The following SPRED1 variants were observed in gnomAD, a reference collection of about 807,000 sequenced individuals.
The protein encoded by SPRED1 is sprouty related EVH1 domain containing 1, also known as sprouty-related, EVH1 domain-containing protein 1.
In SPRED1, 18 loss-of-function variants were observed where a neutral mutation model predicts 52.3. That is an observed-to-expected ratio of 0.34 (90% CI 0.24 to 0.51). The LOEUF (loss-of-function observed/expected upper bound fraction) is 0.51, where lower values mean the gene tolerates loss of function less well. Among genes scored for constraint, SPRED1 ranks in the 20% least tolerant of loss-of-function variants. The pLI is 0.97. For missense variants in SPRED1, 485 were observed against 551.0 expected, an observed-to-expected ratio of 0.88 and a Z score of 1.20; for synonymous variants, 155 against 179.7, an observed-to-expected ratio of 0.86 and a Z score of 1.10.
intron 2 of SPRED1, among the ~76,000 whole-genome samples, chr15:38,312,880 T>G (rs573088848): frequency 2.6e-4 from 39 of 152,140 alleles, no homozygotes; most frequent in South Asian, 6.2e-4. Flanking sequence ...TTTCTTTTTT[T>G]CTTGTCCATT....
chr15:38,287,654 G>A (rs1034395373), intron 1 of SPRED1, among the ~76,000 whole-genome samples: 71 of 152,096 alleles, frequency 4.7e-4, no homozygotes, highest in Non-Finnish European at 1.5e-4. Context: ...GAAAAAAATT[G>A]CATCTTTACT....
intron 4 of SPRED1, among the ~76,000 whole-genome samples, chr15:38,334,040 C>T (rs942406392): frequency 6.6e-6 from 1 of 151,950 alleles, no homozygotes; most frequent in Non-Finnish European, 1.5e-5. Flanking sequence ...GTAGTTGAGA[C>T]TGTCTGATAC....
intron 4 of SPRED1, among the ~76,000 whole-genome samples, chr15:38,332,584 A>G (rs762353599): frequency 1.3e-5 from 2 of 152,184 alleles, no homozygotes; most frequent in Non-Finnish European, 2.9e-5. Flanking sequence ...CTAGCTAGCT[A>G]GAGTGTTTAG....
chr15:38,279,510 G>A (rs1894640953), intron 1 of SPRED1, among the ~76,000 whole-genome samples: 1 of 152,164 alleles, frequency 6.6e-6, no homozygotes, highest in Admixed American at 6.5e-5. Context: ...GTGCCAAACA[G>A]TGCTATCCTA....
intron 1 of SPRED1, among the ~76,000 whole-genome samples, chr15:38,295,517 C>T (rs1895017988): frequency 2.0e-5 from 3 of 152,000 alleles, no homozygotes; most frequent in Admixed American, 6.6e-5. Context: ...CTGTTGTTGA[C>T]GGAAACGTTA....
chr15:38,310,378 T>A (rs1388591653), intron 2 of SPRED1, among the ~76,000 whole-genome samples: 1 of 152,106 alleles, frequency 6.6e-6, no homozygotes, highest in Non-Finnish European at 1.5e-5. Context: ...TGACCTCAGG[T>A]GATCCACCCA....
chr15:38,272,633 A>C (rs1486675356), intron 1 of SPRED1, among the ~76,000 whole-genome samples: 1 of 152,188 alleles, frequency 6.6e-6, no homozygotes, highest in African/African-American at 2.4e-5. Context: ...CAGTGGCTGA[A>C]CTAATTTACA....
intron 5 of SPRED1, 27 bp downstream of exon 5, chr15:38,339,922 G>A (rs756609651): frequency 1.4e-5 from 23 of 1,613,100 alleles, no homozygotes; most frequent in South Asian, 3.3e-5. Context: ...TTTTTTCGGC[G>A]CGTTGTTTAT....
In SPRED1 at chr15:38,351,125, A is replaced by C. The variant is rs1340143366; in HGVS notation, c.796A>C (p.Met266Leu). 6.2e-7 allele frequency: 1 copy of C among 1,614,126 alleles called. No individual in the cohort carries two copies. The highest frequency in any genetic ancestry group is 8.5e-7 in the Non-Finnish European group (1 of 1,180,000). The change falls in exon 7 of 7, where the codon ATG becomes CTG. Residue 266 changes from methionine to leucine, a missense_variant. Around this residue, in one of 5 missense-constraint regions of SPRED1, gnomAD observed 205 missense variants for 245.2 expected, o/e 0.84. Transcript: ENST00000299084. The stretch of plus-strand genomic sequence containing the variant: ...CTATGCAGACTACAGACATCCTGAC[A>C]TGTGGAAAAATGACTTGGAAAGAGA... ...RRYADYRHPDMWKNDLERDDA... is the reference protein window; with the variant it reads ...RRYADYRHPDLWKNDLERDDA...
chr15:38,276,625 A>G (rs1894559802), intron 1 of SPRED1, among the ~76,000 whole-genome samples: 1 of 152,182 alleles, frequency 6.6e-6, no homozygotes. Context: ...AATAAATATT[A>G]TAAGGTGGAT....
At chr15:38,348,732 T>C (rs895155267) in intron 5 of SPRED1, among the ~76,000 whole-genome samples, 5 of 152,098 alleles carry the variant, frequency 3.3e-5, no homozygotes, top group Admixed American at 2.6e-4. Context: ...CCCATGGTGA[T>C]TCATAACATT....
chr15:38,253,023 TG>T lies in SPRED1; in HGVS notation c.-156del, dbSNP rs531519324. The T allele has an allele frequency of 1.9e-3, 1,278 of 671,690 alleles. 27 individuals carry two copies. In the Admixed American group the frequency reaches 0.027, roughly 14 times the overall value. 41.6% of individuals were successfully genotyped at this position (671,690 alleles called of 1,614,324 possible). ...TGCGGGGGTGGCCGGGGTTCCCGGC[TG>T]GGGGGGTACCGTTCTGGGTGAGGCA... is the stretch of plus-strand genomic sequence containing the variant. On this transcript the variant is annotated 5_prime_UTR_variant, in exon 1 of 7. Coordinates refer to ENST00000299084, the MANE Select transcript of SPRED1 (RefSeq NM_152594.3).
intron 2 of SPRED1, among the ~76,000 whole-genome samples, chr15:38,306,361 A>G (rs904189668): frequency 1.3e-5 from 2 of 152,188 alleles, no homozygotes; most frequent in African/African-American, 4.8e-5. Context: ...GCTAATGCTC[A>G]GAAAACAATA....
chr15:38,338,315 C>T (rs1156365498), intron 4 of SPRED1, among the ~76,000 whole-genome samples: 1 of 100,882 alleles, frequency 9.9e-6, no homozygotes, highest in African/African-American at 3.6e-5. Flanking sequence ...TTTTTTTCTC[C>T]CAGTATTCTA....
intron 2 of SPRED1, among the ~76,000 whole-genome samples, chr15:38,308,506 G>A (rs1015778534): frequency 2.0e-5 from 3 of 152,066 alleles, no homozygotes; most frequent in African/African-American, 2.4e-5. Context: ...ATCTATTTCC[G>A]TTTTTGCCAG....
At chr15:38,276,354 G>A (rs1894553301) in intron 1 of SPRED1, among the ~76,000 whole-genome samples, 1 of 151,678 alleles carries the variant, frequency 6.6e-6, no homozygotes, top group South Asian at 2.1e-4. Flanking sequence ...ATATGCGGAA[G>A]TGTTATATAT....
intron 1 of SPRED1, among the ~76,000 whole-genome samples, chr15:38,295,720 C>T (rs918395311): frequency 3.3e-5 from 5 of 152,100 alleles, no homozygotes; most frequent in African/African-American, 1.2e-4. Flanking sequence ...AATTTATGAA[C>T]ATCATGCACA....
rs1012002126 is a variant in SPRED1 at position 38,354,112 on chromosome 15, C to T, written c.*2448C>T. 1 of 152,510 alleles carries T rather than the reference C, an allele frequency of 6.6e-6. No homozygotes were observed. The highest frequency in any genetic ancestry group is 2.1e-4 in the South Asian group (1 of 4,824). 9.4% of individuals were successfully genotyped at this position (152,510 alleles called of 1,614,324 possible). On this transcript the variant is annotated 3_prime_UTR_variant, in exon 7 of 7. Coordinates refer to ENST00000299084, the MANE Select transcript of SPRED1 (RefSeq NM_152594.3). ...CATACCCAGTTTCTTAATCAGTCTA[C>T]AAGACTAACTGATGATATAATGTTC... is the stretch of plus-strand genomic sequence containing the variant.
intron 1 of SPRED1, among the ~76,000 whole-genome samples, chr15:38,257,665 T>C (rs1595710541): frequency 6.6e-6 from 1 of 152,316 alleles, no homozygotes; most frequent in Non-Finnish European, 1.5e-5. Context: ...GTGTCTGTCT[T>C]TTTTGGCATA....
Sources: gnomAD v4.1 joint callset for allele counts (sites outside exome capture counted in the v4.1 genomes callset) on GRCh38, gnomAD v4.1.1 for gene constraint, gnomAD v4.1.1 regional missense constraint, MANE v1.5 for transcripts, NCBI Gene and HGNC (gene_info 2026-07-23, HGNC 2026-07-21) for gene names.